The following MALRD1 variants were observed in gnomAD, a reference collection of about 807,000 sequenced individuals.
MALRD1 encodes the protein MAM and LDL-receptor class A domain-containing protein 1.
In MALRD1, 247 loss-of-function variants were observed where a neutral mutation model predicts 242.1. The ratio of observed to expected loss-of-function variants is 1.02; its 90% CI spans 0.92 to 1.13. MALRD1 has a LOEUF of 1.13. Ranked by LOEUF, MALRD1 falls within the 50% of genes most tolerant of loss-of-function variation. The pLI is 0.00. For synonymous variants in MALRD1, 995 were observed against 866.6 expected (o/e 1.15, Z -2.60); for missense variants, 2,989 against 2,533.1 (o/e 1.18, Z -3.86).
intron 29 of MALRD1, among the ~76,000 whole-genome samples, chr10:19,471,082 A>C (rs1391407471): frequency 6.6e-6 from 1 of 151,652 alleles, no homozygotes; most frequent in Non-Finnish European, 1.5e-5. Flanking sequence ...GTCTTATTTC[A>C]TTTTAATCCA....
At chr10:19,592,728 G>GACACACACAC (rs71949886) in intron 33 of MALRD1, among the ~76,000 whole-genome samples, 20 of 123,914 alleles carry the variant, frequency 1.6e-4, no homozygotes, top group African/African-American at 5.4e-4. Context: ...AAAATATAAA[G>GACACACACAC]ACACACACAC....
rs192096336 is a variant in MALRD1 at position 19,559,903 on chromosome 10, T to G, written c.5479-7599T>G. Among the ~76,000 whole-genome samples, 21 of 152,340 alleles carry G rather than the reference T, an allele frequency of 1.4e-4. 1 individual carries two copies. Among genetic ancestry groups the G allele is most frequent in the African/African-American group, 4.8e-4 (20 of 41,570 alleles). On this transcript the variant is annotated intron_variant, in intron 32 of 39. Transcript: ENST00000454679. ...CATATGAAAAAAAGCTCATCATCACTGGTCATTAGAGAAATGCAAATCAAA... is the reference window on the plus strand; with the variant it reads ...CATATGAAAAAAAGCTCATCATCACGGGTCATTAGAGAAATGCAAATCAAA...
intron 10 of MALRD1, among the ~76,000 whole-genome samples, chr10:19,139,618 G>C (rs1161541837): frequency 3.3e-5 from 5 of 152,160 alleles, no homozygotes; most frequent in African/African-American, 1.2e-4. Context: ...CAGGTCTTCT[G>C]TCATTGTCAA....
At chr10:19,386,621 A>G (rs1846086527) in intron 26 of MALRD1, among the ~76,000 whole-genome samples, 1 of 152,074 alleles carries the variant, frequency 6.6e-6, no homozygotes, top group Non-Finnish European at 1.5e-5. Context: ...TCCCTCATTC[A>G]TGTATTTGAC....
At chr10:19,269,588 A>G (rs770238155) in intron 19 of MALRD1, among the ~76,000 whole-genome samples, 1 of 152,180 alleles carries the variant, frequency 6.6e-6, no homozygotes, top group Non-Finnish European at 1.5e-5. Flanking sequence ...ATGTTTCTGG[A>G]TTCTATTTTA....
intron 14 of MALRD1, among the ~76,000 whole-genome samples, chr10:19,182,720 A>G (rs10827029): frequency 0.3 from 45,765 of 151,876 alleles, 7,219 homozygotes; most frequent in Admixed American, 0.37. Flanking sequence ...AGAAAATGTG[A>G]AAAGTTCCCT....
chr10:19,341,628 A>G (rs1433627232), intron 24 of MALRD1, among the ~76,000 whole-genome samples: 2 of 151,516 alleles, frequency 1.3e-5, no homozygotes, highest in African/African-American at 2.4e-5. Context: ...TGTTCCAGCA[A>G]AAAGTAAGGA....
At chr10:19,501,411 A>C (rs894176426) in intron 31 of MALRD1, among the ~76,000 whole-genome samples, 1 of 152,214 alleles carries the variant, frequency 6.6e-6, no homozygotes, top group African/African-American at 2.4e-5. Flanking sequence ...CTGGAAGCCA[A>C]GGTAACTTGT....
chr10:19,605,735 T>C (rs1838585586), intron 34 of MALRD1, among the ~76,000 whole-genome samples: 1 of 152,142 alleles, frequency 6.6e-6, no homozygotes, highest in Non-Finnish European at 1.5e-5. Flanking sequence ...TTATAAATGC[T>C]TATCTACAAC....
intron 28 of MALRD1, among the ~76,000 whole-genome samples, chr10:19,390,991 T>C (rs1351490424): frequency 6.6e-6 from 1 of 152,222 alleles, no homozygotes; most frequent in Admixed American, 6.5e-5. Context: ...TTCTATGGTG[T>C]GCACCATGTT....
chr10:19,404,551 A>G (rs976965012), intron 28 of MALRD1, among the ~76,000 whole-genome samples: 1 of 152,064 alleles, frequency 6.6e-6, no homozygotes, highest in Non-Finnish European at 1.5e-5. Flanking sequence ...CAGCACTGTT[A>G]AATATTTTAG....
Position 19,438,779 on chromosome 10 carries a change from T to C in MALRD1, c.4846-11528T>C, listed in dbSNP as rs1834467278. On this transcript the variant is annotated intron_variant, in intron 28 of 39. Transcript: ENST00000454679. ...GGTTCTCTTGAGTGGTGAGTGACTT[T>C]TTTTCTTGTGCCCACCAGACCCCAC... Among the ~76,000 whole-genome samples, 7 of 151,914 alleles carry C rather than the reference T, an allele frequency of 4.6e-5. 1 individual carries two copies. In the South Asian group the frequency reaches 1.5e-3, roughly 32 times the overall value.
At chr10:19,533,517 A>G (rs1216015481) in intron 32 of MALRD1, among the ~76,000 whole-genome samples, 2 of 152,176 alleles carry the variant, frequency 1.3e-5, no homozygotes, top group Non-Finnish European at 2.9e-5. Flanking sequence ...AATGGGTTTA[A>G]TTGGCTCATA....
At chr10:19,052,021 G>A in intron 1 of MALRD1, 1 of 332,140 alleles carries the variant, frequency 3.0e-6, no homozygotes, top group Non-Finnish European at 5.9e-6. Context: ...CCCATTGTGA[G>A]ATTTGTAAGA....
At chr10:19,096,575 T>G (rs757238777) in intron 4 of MALRD1, among the ~76,000 whole-genome samples, 1 of 152,300 alleles carries the variant, frequency 6.6e-6, no homozygotes, top group African/African-American at 2.4e-5. Context: ...TTTGCTTTTG[T>G]TTGGTGGGCC....
At chr10:19,106,929 T>C (rs918840193) in intron 5 of MALRD1, among the ~76,000 whole-genome samples, 2 of 152,010 alleles carry the variant, frequency 1.3e-5, no homozygotes, top group African/African-American at 4.8e-5. Flanking sequence ...CATGTATTTG[T>C]ATAGTTTCCA....
intron 4 of MALRD1, among the ~76,000 whole-genome samples, chr10:19,101,160 G>A (rs1034422830): frequency 6.6e-6 from 1 of 150,716 alleles, no homozygotes; most frequent in African/African-American, 2.4e-5. Context: ...GAAAACTGAG[G>A]TACAGAGATG....
At chr10:19,133,522 G>A (rs1290146895) in intron 8 of MALRD1, among the ~76,000 whole-genome samples, 1 of 152,020 alleles carries the variant, frequency 6.6e-6, no homozygotes, top group African/African-American at 2.4e-5. Flanking sequence ...ATGTTATTGA[G>A]TTCAACATTT....
At chr10:19,069,892 G>A (rs190854821) in intron 2 of MALRD1, among the ~76,000 whole-genome samples, 200 of 151,986 alleles carry the variant, frequency 1.3e-3, no homozygotes, top group African/African-American at 4.6e-3. Context: ...AATGTACGCC[G>A]TCTGCCAATT....
Sources: gnomAD v4.1 joint callset for allele counts (sites outside exome capture counted in the v4.1 genomes callset) on GRCh38, gnomAD v4.1.1 for gene constraint, MANE v1.5 for transcripts, NCBI Gene and HGNC (gene_info 2026-07-23, HGNC 2026-07-21) for gene names.